Variants in LRRC75A observed in about 807,000 individuals in gnomAD.
LRRC75A encodes leucine-rich repeat-containing protein 75A.
LRRC75A carries 12 observed loss-of-function variants against 26.0 expected under a neutral mutation model. The observed-to-expected ratio is 0.46, with a 90% CI of 0.30 to 0.75. The LOEUF is 0.75. Among genes scored for constraint, LRRC75A ranks in the 30% least tolerant of loss-of-function variants. LRRC75A has a pLI of 0.08. For missense variants in LRRC75A, 410 were observed against 486.6 expected (o/e 0.84, Z 1.48); for synonymous variants, 223 against 219.3 (o/e 1.02, Z -0.15).
intron 2 of LRRC75A, among the ~76,000 whole-genome samples, chr17:16,458,935 G>C (rs907468194): frequency 1.3e-5 from 2 of 152,188 alleles, no homozygotes; most frequent in African/African-American, 4.8e-5. Context: ...GGGGTAGTTT[G>C]CTATATGGCA....
In LRRC75A at chr17:16,456,105, GGGA is replaced by G. The variant is rs200017092; in HGVS notation, c.375+6150_375+6152del. ...GGAGAGGAGGAGGAGGAAGGGGAGG[GGGA>G]GGAGGAGGAGTAGCAGTAGTAGGAG... On this transcript the variant is annotated intron_variant, in intron 2 of 3. Coordinates refer to ENST00000470794, the MANE Select transcript of LRRC75A (RefSeq NM_001113567.3). Among the ~76,000 whole-genome samples the G allele has an allele frequency of 1.7e-3, 229 of 133,898 alleles. 2 individuals are homozygous for G. The highest frequency in any genetic ancestry group is 4.7e-3 in the African/African-American group (160 of 33,704). The allele number at this position is 133,898 out of a possible 152,430, so 87.8% of individuals were successfully genotyped here.
intron 1 of LRRC75A, among the ~76,000 whole-genome samples, chr17:16,465,684 C>T (rs761405582): frequency 2.0e-5 from 3 of 152,212 alleles, no homozygotes; most frequent in Admixed American, 6.5e-5. Flanking sequence ...TCCCAGTTGC[C>T]AACCCAGGAG....
chr17:16,444,753 T>C (rs1270887353), intron 3 of LRRC75A, among the ~76,000 whole-genome samples: 1 of 151,786 alleles, frequency 6.6e-6, no homozygotes, highest in African/African-American at 2.4e-5. Flanking sequence ...TTCAAGCTGA[T>C]GGCAAGTGTG....
chr17:16,465,758 G>A (rs911749182), intron 1 of LRRC75A, among the ~76,000 whole-genome samples: 2 of 152,316 alleles, frequency 1.3e-5, no homozygotes, highest in Admixed American at 6.5e-5. Flanking sequence ...CCGTCTCCCC[G>A]CGCCATCCCC....
At chr17:16,460,592 A>G (rs998039850) in intron 2 of LRRC75A, among the ~76,000 whole-genome samples, 1 of 152,128 alleles carries the variant, frequency 6.6e-6, no homozygotes, top group Non-Finnish European at 1.5e-5. Context: ...CTGACCACCC[A>G]GGGACCACCG....
chr17:16,446,574 G>A (rs544817586), intron 3 of LRRC75A, among the ~76,000 whole-genome samples: 2 of 152,210 alleles, frequency 1.3e-5, no homozygotes, highest in South Asian at 2.1e-4. Context: ...ACGAGGGGGC[G>A]AGGAGAGCAA....
intron 3 of LRRC75A, 123 bp from the exon 4 acceptor site, chr17:16,444,254 G>A: frequency 1.3e-6 from 1 of 769,484 alleles, no homozygotes; most frequent in Non-Finnish European, 2.0e-6. Flanking sequence ...ACACTTGGAT[G>A]TCGGATGCCA....
intron 1 of LRRC75A, among the ~76,000 whole-genome samples, chr17:16,465,086 G>A (rs1433091434): frequency 6.6e-6 from 1 of 152,242 alleles, no homozygotes; most frequent in Non-Finnish European, 1.5e-5. Context: ...GAGGAGGCCA[G>A]AGGCATGGAG....
chr17:16,465,001 G>A (rs931932650), intron 1 of LRRC75A, among the ~76,000 whole-genome samples: 1 of 152,238 alleles, frequency 6.6e-6, no homozygotes, highest in African/African-American at 2.4e-5. Flanking sequence ...CAGGGAGCTG[G>A]AGAAGGAGGG....
intron 2 of LRRC75A, 104 bp from the exon 3 acceptor site, chr17:16,448,064 G>A (rs1314988409): frequency 9.8e-7 from 1 of 1,022,530 alleles, no homozygotes; most frequent in Non-Finnish European, 1.5e-6. Flanking sequence ...CCCCCAGGCT[G>A]AGCTGGGGGA....
At chr17:16,465,515 TACAA>T (rs759062144) in intron 1 of LRRC75A, among the ~76,000 whole-genome samples, 1 of 152,204 alleles carries the variant, frequency 6.6e-6, no homozygotes, top group Non-Finnish European at 1.5e-5. Flanking sequence ...AGCTCCTGGT[TACAA>T]ACAAATGAAC....
chr17:16,456,950 G>C (rs912580411), intron 2 of LRRC75A, among the ~76,000 whole-genome samples: 1 of 152,212 alleles, frequency 6.6e-6, no homozygotes, highest in African/African-American at 2.4e-5. Flanking sequence ...GTGCAGGTCA[G>C]GGCAGCAGCC....
Position 16,444,102 on chromosome 17 carries a change from G to A in LRRC75A, c.521C>T (p.Pro174Leu). The change falls in exon 4 of 4, where the codon CCA becomes CTA. Residue 174 changes from proline (P) to leucine (L), a missense_variant. Physicochemically the swap from Pro to Leu is moderately conservative, Grantham distance 98. Coordinates refer to ENST00000470794, the MANE Select transcript of LRRC75A (RefSeq NM_001113567.3). ...CLKAVLAGSP[P>L]DNTVDLSGIP... ...TCCCGACAGGTCCACTGTGTTGTCTGGGGGGCTTCCGGCCAGGACAGCCTT... is the reference window on the plus strand; with the variant it reads ...TCCCGACAGGTCCACTGTGTTGTCTAGGGGGCTTCCGGCCAGGACAGCCTT... 2 of 1,606,414 alleles carry A rather than the reference G, an allele frequency of 1.2e-6. No individual in the cohort carries two copies. The highest frequency in any genetic ancestry group is 1.7e-6 in the Non-Finnish European group (2 of 1,174,656).
At chr17:16,465,153 C>T (rs1385296862) in intron 1 of LRRC75A, among the ~76,000 whole-genome samples, 1 of 152,234 alleles carries the variant, frequency 6.6e-6, no homozygotes, top group East Asian at 1.9e-4. Context: ...TGGTTGGCAA[C>T]TTAATGCCAG....
At chr17:16,488,634 A>C (rs564245273) in intron 1 of LRRC75A, among the ~76,000 whole-genome samples, 5 of 152,320 alleles carry the variant, frequency 3.3e-5, no homozygotes, top group Admixed American at 2.6e-4. Flanking sequence ...TGAGGACCGG[A>C]AGGCGAGCTG....
chr17:16,466,185 G>A (rs2093767382), intron 1 of LRRC75A, among the ~76,000 whole-genome samples: 2 of 152,244 alleles, frequency 1.3e-5, no homozygotes, highest in Admixed American at 1.3e-4. Context: ...TATTGGAGAT[G>A]ATGGTGTCAC....
At chr17:16,473,472 C>T (rs866586216) in intron 1 of LRRC75A, among the ~76,000 whole-genome samples, 2 of 152,134 alleles carry the variant, frequency 1.3e-5, no homozygotes, top group Non-Finnish European at 2.9e-5. Context: ...GGTTGCCTCT[C>T]GAGGGCACCC....
chr17:16,491,663 C>A lies in LRRC75A; in HGVS notation c.246+82G>T. ...GGTGCCCCTCGGTGCCCCCGGCTTCCTCGGTTAGGGATGGGGCGCCCCCCC... is the reference window on the plus strand; with the variant it reads ...GGTGCCCCTCGGTGCCCCCGGCTTCATCGGTTAGGGATGGGGCGCCCCCCC... On this transcript the variant is annotated intron_variant, in intron 1 of 3. Coordinates refer to ENST00000470794, the MANE Select transcript of LRRC75A (RefSeq NM_001113567.3). This position sits in a 1 kb window ranked among gnomAD's most constrained non-coding sequence, Gnocchi z 5.9. 1 of 1,070,820 alleles carries A rather than the reference C, an allele frequency of 9.3e-7. No homozygotes were observed. The highest frequency in any genetic ancestry group is 1.2e-6 in the Non-Finnish European group (1 of 846,278). 66.3% of individuals were successfully genotyped at this position (1,070,820 alleles called of 1,614,324 possible).
intron 2 of LRRC75A, among the ~76,000 whole-genome samples, chr17:16,453,320 GCACACACGCACACGCA>G (rs2093649993): frequency 9.3e-6 from 1 of 107,410 alleles, no homozygotes; most frequent in African/African-American, 2.8e-5. Context: ...ACGCACACAC[GCACACACGCACACGCA>G]CACACGCACA....
Sources: allele counts gnomAD v4.1 joint callset (sites outside exome capture counted in the v4.1 genomes callset), GRCh38; gene constraint gnomAD v4.1.1; non-coding constraint Gnocchi (gnomAD v3.1); transcripts MANE v1.5; gene names NCBI Gene and HGNC (gene_info 2026-07-23, HGNC 2026-07-21).